The following SAMD5 variants were observed in gnomAD, a reference collection of about 807,000 sequenced individuals.
SAMD5 encodes sterile alpha motif domain containing 5.
A neutral mutation model predicts 11.3 loss-of-function variants in SAMD5; 13 were observed. The observed-to-expected ratio is 1.15, with a 90% CI of 0.75 to 1.83. The LOEUF (loss-of-function observed/expected upper bound fraction) is 1.83. SAMD5 is among the 40% of genes most tolerant of loss of function. The pLI is 0.00. For missense variants in SAMD5, 255 were observed against 239.1 expected (o/e 1.07, Z -0.44); for synonymous variants, 129 against 111.3 (o/e 1.16, Z -1.00).
intron 1 of SAMD5, among the ~76,000 whole-genome samples, chr6:147,520,117 G>GTTTTTTTTTTT (rs10632543): frequency 7.3e-6 from 1 of 136,860 alleles, no homozygotes; most frequent in African/African-American, 2.7e-5. Flanking sequence ...GAACTTTATA[G>GTTTTTTTTTTT]TTTTTTTTTT....
At chr6:147,616,054 T>C (rs1233154495) in intron 1 of SAMD5, among the ~76,000 whole-genome samples, 1 of 151,796 alleles carries the variant, frequency 6.6e-6, no homozygotes, top group East Asian at 1.9e-4. Context: ...TTTCTGAGGC[T>C]CAATGTCCTC....
In SAMD5 at chr6:147,694,679, C is replaced by T. The variant is rs185636549; in HGVS notation, c.163-42638C>T. ...AAAAAACAAAAAAATTAGCCAGGCACGGTAGCTCAAACCTATAGTCCCAGC... is the reference window on the plus strand; with the variant it reads ...AAAAAACAAAAAAATTAGCCAGGCATGGTAGCTCAAACCTATAGTCCCAGC... On this transcript the variant is annotated intron_variant, in intron 1 of 1. Coordinates refer to the SAMD5 transcript ENST00000566741. 3.6e-4 allele frequency among the ~76,000 whole-genome samples: 54 copies of T among 152,104 alleles called. 1 individual carries two copies. The South Asian group carries it at 8.5e-3, about 24-fold the overall frequency.
chr6:147,593,653 C>T lies in SAMD5; in HGVS notation c.162+84266C>T, dbSNP rs111634693. The stretch of plus-strand genomic sequence containing the variant: ...TTCAGAGAGTGACATAACTTGAACA[C>T]AGATTTCTAAATGATTAAAACTGCA... On this transcript the variant is annotated intron_variant, in intron 1 of 1. Transcript: ENST00000566741. Among the ~76,000 whole-genome samples, 720 of 152,218 alleles carry T rather than the reference C, an allele frequency of 4.7e-3. 7 individuals are homozygous for T. Among genetic ancestry groups the T allele is most frequent in the African/African-American group, 0.016 (685 of 41,534 alleles).
rs550159800 is a variant in SAMD5, at chr6:147,701,830, T to TGA, written c.163-35478_163-35477dup. ...ATACTGGCTTTGGGTAAATAGAGCT[T>TGA]GAGAGAGAGAACATAGAAACTTACT... On this transcript the variant is annotated intron_variant, in intron 1 of 1. Transcript: ENST00000566741. Among the ~76,000 whole-genome samples the TGA allele has an allele frequency of 3.2e-3, 480 of 152,142 alleles. 4 individuals are homozygous for TGA. Among genetic ancestry groups the TGA allele is most frequent in the Admixed American group, 7.5e-3 (115 of 15,296 alleles).
intron 1 of SAMD5, among the ~76,000 whole-genome samples, chr6:147,515,435 T>C (rs199566479): frequency 1.5e-5 from 1 of 65,648 alleles, no homozygotes; most frequent in African/African-American, 1.5e-4. Context: ...CATCCAACCA[T>C]CCATCCATCC....
the SAMD5 span, among the ~76,000 whole-genome samples, chr6:147,796,728 CCT>C: frequency 1.8e-3 from 277 of 152,130 alleles, no homozygotes; most frequent in African/African-American, 6.3e-3. Flanking sequence ...TTGTTTGTAT[CCT>C]CTTTTATTTC....
chr6:147,653,828 GA>G (rs2128453623), intron 1 of SAMD5, among the ~76,000 whole-genome samples: 1 of 152,174 alleles, frequency 6.6e-6, no homozygotes, highest in South Asian at 2.1e-4. Flanking sequence ...GTTAATTGGT[GA>G]GCTCTTTATC....
At chr6:147,883,604 G>T in the SAMD5 span, among the ~76,000 whole-genome samples, 4 of 151,942 alleles carry the variant, frequency 2.6e-5, no homozygotes, top group African/African-American at 9.7e-5. Context: ...TACAAAATTG[G>T]GTGTTTGAAA....
At chr6:147,827,927 C>T in the SAMD5 span, among the ~76,000 whole-genome samples, 1 of 151,752 alleles carries the variant, frequency 6.6e-6, no homozygotes, top group African/African-American at 2.4e-5. Context: ...GTAGCTGGGA[C>T]TACAGGCACC....
chr6:147,811,738 T>TAGATACA, the SAMD5 span, among the ~76,000 whole-genome samples: 1,966 of 152,278 alleles, frequency 0.013, 16 homozygotes, highest in Non-Finnish European at 0.021. Flanking sequence ...CAATGAACTT[T>TAGATACA]AGATACTGAG....
At chr6:147,700,538 G>A (rs1389932519) in intron 1 of SAMD5, among the ~76,000 whole-genome samples, 1 of 152,146 alleles carries the variant, frequency 6.6e-6, no homozygotes, top group African/African-American at 2.4e-5. Context: ...TTGCCCCCAA[G>A]TGAGCTGGTA....
At chr6:147,901,561 T>C in the SAMD5 span, among the ~76,000 whole-genome samples, 2 of 152,222 alleles carry the variant, frequency 1.3e-5, no homozygotes, top group Non-Finnish European at 2.9e-5. Flanking sequence ...TACATCATTT[T>C]CACATTTGGA....
chr6:147,806,304 G>GCA, the SAMD5 span, among the ~76,000 whole-genome samples: 2 of 42,958 alleles, frequency 4.7e-5, no homozygotes, highest in African/African-American at 1.9e-4. Flanking sequence ...GTGTGCGCAT[G>GCA]CGCGCGCGCG....
chr6:147,712,751 G>A (rs369541436), intron 1 of SAMD5, among the ~76,000 whole-genome samples: 15 of 151,716 alleles, frequency 9.9e-5, no homozygotes, highest in East Asian at 7.7e-4. Flanking sequence ...AAACCAAGAA[G>A]TGGGCCCTTA....
intron 1 of SAMD5, among the ~76,000 whole-genome samples, chr6:147,669,445 T>G (rs867943085): frequency 3.7e-4 from 34 of 91,696 alleles, no homozygotes; most frequent in African/African-American, 1.0e-3. Flanking sequence ...TTTTTTTTTT[T>G]GAGACAGAGT....
At chr6:147,532,303 C>G (rs9497799) in intron 1 of SAMD5, among the ~76,000 whole-genome samples, 4,385 of 151,680 alleles carry the variant, frequency 0.029, 157 homozygotes, top group African/African-American at 0.085. Context: ...CCTTCCCCCA[C>G]CTCCCTGAGT....
the SAMD5 span, among the ~76,000 whole-genome samples, chr6:147,917,029 G>A: frequency 7.0e-6 from 1 of 143,016 alleles, no homozygotes; most frequent in African/African-American, 2.7e-5. Context: ...ATGTGCATGT[G>A]TCTTTATAGC....
intron 1 of SAMD5, among the ~76,000 whole-genome samples, chr6:147,734,357 A>G (rs1181607831): frequency 6.6e-6 from 1 of 152,194 alleles, no homozygotes; most frequent in Non-Finnish European, 1.5e-5. Flanking sequence ...GACAAAGCAG[A>G]TAGTGTGTTT....
chr6:147,807,738 A>T, the SAMD5 span, among the ~76,000 whole-genome samples: 1 of 152,342 alleles, frequency 6.6e-6, no homozygotes, highest in African/African-American at 2.4e-5. Context: ...TCCTATATTT[A>T]GAACCTTTCG....
Sources: gnomAD v4.1 joint callset for allele counts (sites outside exome capture counted in the v4.1 genomes callset) on GRCh38, gnomAD v4.1.1 for gene constraint, MANE v1.5 for transcripts, NCBI Gene and HGNC (gene_info 2026-07-23, HGNC 2026-07-21) for gene names.